The following PCDH15 variants were observed in gnomAD, a reference collection of about 807,000 sequenced individuals.
PCDH15 encodes protocadherin-15.
A neutral mutation model predicts 178.5 loss-of-function variants in PCDH15; 129 were observed. That is an observed-to-expected ratio of 0.72 (90% CI 0.63 to 0.84). The LOEUF (loss-of-function observed/expected upper bound fraction) is 0.84. Among genes scored for constraint, PCDH15 ranks in the 40% least tolerant of loss-of-function variants. The pLI is 0.00. For synonymous variants in PCDH15, 800 were observed against 732.0 expected, an observed-to-expected ratio of 1.09 and a Z score of -1.50; for missense variants, 2,230 against 2,099.9, an observed-to-expected ratio of 1.06 and a Z score of -1.21.
chr10:55,085,440 G>T (rs566049641), intron 2 of PCDH15, among the ~76,000 whole-genome samples: 33 of 151,810 alleles, frequency 2.2e-4, no homozygotes, highest in Non-Finnish European at 4.0e-4. Context: ...GCACAACAGA[G>T]TGGCCAATAA....
At chr10:54,264,437 G>A (rs1281384012) in intron 8 of PCDH15, among the ~76,000 whole-genome samples, 1 of 152,050 alleles carries the variant, frequency 6.6e-6, no homozygotes, top group Non-Finnish European at 1.5e-5. Flanking sequence ...TCTGAAATGA[G>A]AGACATAGAA....
chr10:54,931,573 T>C (rs1837777068), intron 2 of PCDH15, among the ~76,000 whole-genome samples: 1 of 152,184 alleles, frequency 6.6e-6, no homozygotes, highest in Admixed American at 6.5e-5. Context: ...CTTTTCTATG[T>C]GTTCCAAAAA....
intron 2 of PCDH15, among the ~76,000 whole-genome samples, chr10:55,152,730 A>C (rs1204037814): frequency 1.3e-5 from 2 of 152,176 alleles, no homozygotes; most frequent in Non-Finnish European, 2.9e-5. Context: ...AGATATCTTA[A>C]TTTGATATTT....
chr10:54,162,527 A>G (rs1012404595), intron 13 of PCDH15, among the ~76,000 whole-genome samples: 2 of 152,210 alleles, frequency 1.3e-5, no homozygotes, highest in Admixed American at 6.5e-5. Context: ...TCAAGATAAG[A>G]TACCTTCATA....
At chr10:54,413,538 AAAGT>A (rs1746107578) in intron 3 of PCDH15, among the ~76,000 whole-genome samples, 1 of 152,184 alleles carries the variant, frequency 6.6e-6, no homozygotes, top group South Asian at 2.1e-4. Context: ...AATATGATAA[AAAGT>A]AAGAGATCTA....
At chr10:55,330,838 A>ATGTGTG (rs71461291) in intron 2 of PCDH15, among the ~76,000 whole-genome samples, 7,474 of 144,616 alleles carry the variant, frequency 0.052, 302 homozygotes, top group African/African-American at 0.11. Flanking sequence ...AGATTTATTT[A>ATGTGTG]TGTGTGTGTG....
At chr10:54,750,727 AAAT>A (rs1946116749) in intron 1 of PCDH15, among the ~76,000 whole-genome samples, 1 of 152,138 alleles carries the variant, frequency 6.6e-6, no homozygotes, top group African/African-American at 2.4e-5. Context: ...TTGTTTTCTA[AAAT>A]AATGTTACAA....
chr10:55,146,861 T>TATG (rs57110894), intron 2 of PCDH15, among the ~76,000 whole-genome samples: 56,357 of 151,054 alleles, frequency 0.37, 10,920 homozygotes, highest in Admixed American at 0.47. Flanking sequence ...TTTACTGACT[T>TATG]ATGATTACAA....
chr10:54,731,238 T>G (rs768113455), intron 1 of PCDH15, among the ~76,000 whole-genome samples: 99 of 151,186 alleles, frequency 6.5e-4, no homozygotes, highest in Middle Eastern at 3.4e-3. Flanking sequence ...TAGCTTAAAT[T>G]GATTTTATCA....
intron 2 of PCDH15, among the ~76,000 whole-genome samples, chr10:54,964,002 G>A (rs552750556): frequency 2.0e-5 from 3 of 152,138 alleles, no homozygotes; most frequent in Non-Finnish European, 4.4e-5. Context: ...GGGGAAAAAA[G>A]AATTAGGGAC....
intron 2 of PCDH15, among the ~76,000 whole-genome samples, chr10:54,598,989 T>TA (rs1298092925): frequency 2.1e-3 from 311 of 148,230 alleles, no homozygotes; most frequent in African/African-American, 7.1e-3. Flanking sequence ...AGAAATAAAT[T>TA]TAAAAAAAAA....
intron 3 of PCDH15, among the ~76,000 whole-genome samples, chr10:54,501,825 A>T (rs138036862): frequency 6.2e-4 from 95 of 152,182 alleles, no homozygotes; most frequent in Admixed American, 1.1e-3. Context: ...TATACATATT[A>T]GTCTATGGCT....
At position 54,153,199 on chromosome 10, in the gene PCDH15, G is replaced by A; in HGVS notation, c.1685C>T (p.Thr562Ile). Residue 562 changes from threonine (T) to isoleucine (I), a missense_variant, in exon 14 of 38, where the codon ACA (threonine) becomes ATA (isoleucine). Thr to Ile is a moderately conservative substitution (Grantham distance 89). Coordinates refer to ENST00000644397, the MANE Select transcript of PCDH15 (RefSeq NM_001384140.1). ...AQGDFIINKT[T>I]GLITIAPGVE... is the part of the protein sequence containing the mutation. Reference sequence around the variant, plus strand: ...CCCTGGAGCGATGGTGATAAGCCCTGTTGTTTTATTGATGATGAAGTCTCC... The same window carrying A: ...CCCTGGAGCGATGGTGATAAGCCCTATTGTTTTATTGATGATGAAGTCTCC... The A allele has an allele frequency of 6.2e-7, 1 of 1,613,874 alleles. No homozygotes were observed. Among genetic ancestry groups the A allele is most frequent in the Non-Finnish European group, 8.5e-7 (1 of 1,179,882 alleles).
chr10:55,227,549 G>C (rs552379679), intron 1 of PCDH15, among the ~76,000 whole-genome samples: 1 of 149,156 alleles, frequency 6.7e-6, no homozygotes, highest in East Asian at 2.0e-4. Flanking sequence ...AAGGTGCCAG[G>C]AGAAAGACTT....
intron 2 of PCDH15, among the ~76,000 whole-genome samples, chr10:55,551,682 C>T (rs1450979457): frequency 6.6e-6 from 1 of 151,734 alleles, no homozygotes; most frequent in East Asian, 1.9e-4. Flanking sequence ...TCTAAGAATA[C>T]ACATTTTCAA....
rs921212607 is a variant in PCDH15, at chr10:54,935,082, G to C, written c.-79-37582C>G. On this transcript the variant is annotated intron_variant, in intron 2 of 5. Transcript: ENST00000458638. ...ACATCACACTCTGGGGACTGTTGTGGGGTGTGGGGAGGGGGGAGGGATAGC... is the reference window on the plus strand; with the variant it reads ...ACATCACACTCTGGGGACTGTTGTGCGGTGTGGGGAGGGGGGAGGGATAGC... Among the ~76,000 whole-genome samples the C allele has an allele frequency of 2.7e-5, 4 of 150,828 alleles. No homozygotes were observed. The South Asian group carries it at 6.4e-4, about 24-fold the overall frequency.
chr10:55,270,379 A>T (rs1397323186), intron 1 of PCDH15, among the ~76,000 whole-genome samples: 1 of 152,126 alleles, frequency 6.6e-6, no homozygotes, highest in Non-Finnish European at 1.5e-5. Flanking sequence ...ATATTCACAA[A>T]CTATGCATCT....
At chr10:54,591,825 T>C (rs1031521818) in intron 2 of PCDH15, among the ~76,000 whole-genome samples, 3 of 152,184 alleles carry the variant, frequency 2.0e-5, no homozygotes, top group Admixed American at 1.3e-4. Flanking sequence ...TGTCTAGTTA[T>C]CATTCACCTG....
chr10:54,265,626 T>G (rs2057624013), intron 8 of PCDH15, among the ~76,000 whole-genome samples: 1 of 152,048 alleles, frequency 6.6e-6, no homozygotes, highest in South Asian at 2.1e-4. Context: ...GAGTTTCTAT[T>G]CTATCAGAAA....
Sources: gnomAD v4.1 joint callset for allele counts (sites outside exome capture counted in the v4.1 genomes callset) on GRCh38, gnomAD v4.1.1 for gene constraint, MANE v1.5 for transcripts, NCBI Gene and HGNC (gene_info 2026-07-23, HGNC 2026-07-21) for gene names.